POU4F1: variants seen among roughly 807,000 people sequenced by gnomAD.
The protein encoded by POU4F1 is POU domain, class 4, transcription factor 1.
Under a neutral mutation model 19.8 loss-of-function variants are expected in POU4F1, and 5 were observed. The observed-to-expected ratio is 0.25, with a 90% CI of 0.13 to 0.53. POU4F1 has a LOEUF of 0.53. POU4F1 is among the 20% of genes least tolerant of loss of function. POU4F1 has a pLI of 0.96. For missense variants in POU4F1, 408 were observed against 511.6 expected (o/e 0.80, Z 1.95); for synonymous variants, 266 against 247.7 (o/e 1.07, Z -0.69).
intron 1 of POU4F1, among the ~76,000 whole-genome samples, chr13:78,602,997 G>T (rs1198508309): frequency 6.6e-6 from 1 of 152,190 alleles, no homozygotes; most frequent in African/African-American, 2.4e-5. Flanking sequence ...TACTCCGATC[G>T]CAGGCGCCTG....
rs1427321060 is a variant in POU4F1, at chr13:78,602,386, G to C, written c.289C>G (p.Pro97Ala). The change falls in exon 2 of 2, where the codon CCT becomes GCT. Residue 97 changes from proline (P) to alanine (A), a missense_variant. Pro to Ala is a conservative substitution (Grantham distance 27). Coordinates refer to ENST00000377208, the MANE Select transcript of POU4F1 (RefSeq NM_006237.4). ...SVPCTSTSTV[P>A]LAHHHHHHHH... ...TGGTGGTGGTGGTGGTGCGCCAGAGGCACCGTGGAAGTGGACGTGCACGGC... is the reference window on the plus strand; with the variant it reads ...TGGTGGTGGTGGTGGTGCGCCAGAGCCACCGTGGAAGTGGACGTGCACGGC... 2 of 1,539,294 alleles carry C rather than the reference G, an allele frequency of 1.3e-6. No homozygotes were observed. Among genetic ancestry groups the C allele is most frequent in the Admixed American group, 2.0e-5 (1 of 49,926 alleles).
rs1362109089 is a variant in POU4F1 at position 78,598,977 on chromosome 13, T to C, written c.*2438A>G. ...ATTCATTTTATTTAGAGCACCACTT[T>C]TCATGAGTTATCTGAAAGTGAATTC... is the stretch of plus-strand genomic sequence containing the variant. On this transcript the variant is annotated 3_prime_UTR_variant, in exon 2 of 2. Coordinates refer to ENST00000377208, the MANE Select transcript of POU4F1 (RefSeq NM_006237.4). 2 of 152,238 alleles carry C rather than the reference T, an allele frequency of 1.3e-5. No homozygotes were observed. Among genetic ancestry groups the C allele is most frequent in the African/African-American group, 4.8e-5 (2 of 41,464 alleles). The allele number at this position is 152,238 out of a possible 1,614,324, so 9.4% of individuals were successfully genotyped here. A position where few individuals can be genotyped will look rare whatever the true frequency, so the allele number is the denominator to read the frequency against.
In POU4F1 at chr13:78,600,536, C is replaced by A. The variant is rs1450430717; in HGVS notation, c.*879G>T. 6.6e-6 allele frequency: 1 copy of A among 152,230 alleles called. No individual in the cohort carries two copies. The highest frequency in any genetic ancestry group is 2.4e-5 in the African/African-American group (1 of 41,416). 9.4% of individuals were successfully genotyped at this position (152,230 alleles called of 1,614,324 possible). ...AGACCCCCACCCCAACAGGACCAGGCCACCAGAGTATAGGCAGGGCCACGG... is the reference window on the plus strand; with the variant it reads ...AGACCCCCACCCCAACAGGACCAGGACACCAGAGTATAGGCAGGGCCACGG... On this transcript the variant is annotated 3_prime_UTR_variant, in exon 2 of 2. Transcript: ENST00000377208.
Position 78,601,280 on chromosome 13 carries a change from A to G in POU4F1, c.*135T>C. The G allele has an allele frequency of 7.2e-7, 1 of 1,395,938 alleles. No homozygotes were observed. Among genetic ancestry groups the G allele is most frequent in the Non-Finnish European group, 9.5e-7 (1 of 1,050,500 alleles). The allele number at this position is 1,395,938 out of a possible 1,614,324, so 86.5% of individuals were successfully genotyped here. ...AAATCAGAGAATGGGTGGAGGAAAG[A>G]GAGCGAGAAGGGACTCCCCAAATGC... On this transcript the variant is annotated 3_prime_UTR_variant, in exon 2 of 2. Coordinates refer to ENST00000377208, the MANE Select transcript of POU4F1 (RefSeq NM_006237.4).
Position 78,603,216 on chromosome 13 carries a change from C to T in POU4F1, c.111G>A (p.Leu37=). 6.5e-7 allele frequency: 1 copy of T among 1,547,374 alleles called. No individual in the cohort carries two copies. The highest frequency in any genetic ancestry group is 8.7e-7 in the Non-Finnish European group (1 of 1,148,192). ...GTGGGGCGCTTACCGGCGGCGTGGGCAGGCAGGCCCGCCGGATGGCCTCGG... is the reference window on the plus strand; with the variant it reads ...GTGGGGCGCTTACCGGCGGCGTGGGTAGGCAGGCCCGCCGGATGGCCTCGG... ...SSSEAIRRAC[L]PTPPLQSNLF... The change falls in exon 1 of 2, where the codon CTG becomes CTA. Residue 37 remains leucine (L), a synonymous_variant. Transcript: ENST00000377208.
rs942389484 is a variant in POU4F1 at position 78,600,279 on chromosome 13, A to G, written c.*1136T>C. 1 of 152,176 alleles carries G rather than the reference A, an allele frequency of 6.6e-6. No homozygotes were observed. Among genetic ancestry groups the G allele is most frequent in the African/African-American group, 2.4e-5 (1 of 41,426 alleles). The allele number at this position is 152,176 out of a possible 1,614,324, so 9.4% of individuals were successfully genotyped here. On this transcript the variant is annotated 3_prime_UTR_variant, in exon 2 of 2. Coordinates refer to ENST00000377208, the MANE Select transcript of POU4F1 (RefSeq NM_006237.4). Reference sequence around the variant, plus strand: ...TTCACCCCATTAGTCTATTTGAATCAACAGGAAAAATCAGTAGTTTAAACC... The same window carrying G: ...TTCACCCCATTAGTCTATTTGAATCGACAGGAAAAATCAGTAGTTTAAACC...
chr13:78,601,034 GT>G lies in POU4F1; in HGVS notation c.*380del, dbSNP rs1393281561. On this transcript the variant is annotated 3_prime_UTR_variant, in exon 2 of 2. Transcript: ENST00000377208. ...CTTGGTCCCCAGGATATTTAGGTAA[GT>G]GTCTCTGGTCAGAAACAGTCCATTT... 1 of 227,028 alleles carries G rather than the reference GT, an allele frequency of 4.4e-6. No individual in the cohort carries two copies. Among genetic ancestry groups the G allele is most frequent in the Admixed American group, 5.1e-5 (1 of 19,530 alleles). The allele number at this position is 227,028 out of a possible 1,614,324, so 14.1% of individuals were successfully genotyped here. A position where few individuals can be genotyped will look rare whatever the true frequency, so the allele number is the denominator to read the frequency against.
Position 78,603,191 on chromosome 13 carries a change from G to T in POU4F1, c.123+13C>A. Reference sequence around the variant, plus strand: ...GGGCGCGCGGGCCGGGGCCGCGGGCGTGGGGCGCTTACCGGCGGCGTGGGC... The same window carrying T: ...GGGCGCGCGGGCCGGGGCCGCGGGCTTGGGGCGCTTACCGGCGGCGTGGGC... On this transcript the variant is annotated intron_variant, in intron 1 of 1. Coordinates refer to ENST00000377208, the MANE Select transcript of POU4F1 (RefSeq NM_006237.4). The T allele has an allele frequency of 5.3e-6, 8 of 1,495,900 alleles. No individual in the cohort carries two copies. Among genetic ancestry groups the T allele is most frequent in the Non-Finnish European group, 7.1e-6 (8 of 1,121,300 alleles). The allele number at this position is 1,495,900 out of a possible 1,614,324, so 92.7% of individuals were successfully genotyped here.
At position 78,602,353 on chromosome 13, in the gene POU4F1, G is replaced by A; in HGVS notation, c.322C>T (p.His108Tyr). ...LAHHHHHHHH[H>Y]QALEPGDLLD... is the part of the protein sequence containing the mutation. ...AGATCGCCGGGTTCGAGCGCCTGGT[G>A]GTGGTGGTGGTGGTGGTGGTGGTGC... Residue 108 changes from histidine (H) to tyrosine (Y), a missense_variant, in exon 2 of 2, where the codon CAC (histidine) becomes TAC (tyrosine). By Grantham distance (83) the His-to-Tyr change is moderately conservative (BLOSUM62 2). Coordinates refer to ENST00000377208, the MANE Select transcript of POU4F1 (RefSeq NM_006237.4). 6.9e-7 allele frequency: 1 copy of A among 1,455,032 alleles called. No homozygotes were observed. The highest frequency in any genetic ancestry group is 1.3e-5 in the South Asian group (1 of 74,150). The allele number at this position is 1,455,032 out of a possible 1,614,324, so 90.1% of individuals were successfully genotyped here.
At position 78,603,373 on chromosome 13, in the gene POU4F1, G is replaced by A. The variant is rs773483314; in HGVS notation, c.-47C>T. The A allele has an allele frequency of 2.6e-6, 4 of 1,543,640 alleles. No individual in the cohort carries two copies. The highest frequency in any genetic ancestry group is 1.9e-5 in the Admixed American group (1 of 51,638). ...TCCACAAACACTCCGAAAGTCCGCG[G>A]GAAAGTGCGTACGCCGGCTCACCCG... On this transcript the variant is annotated 5_prime_UTR_variant, in exon 1 of 2. Coordinates refer to ENST00000377208, the MANE Select transcript of POU4F1 (RefSeq NM_006237.4).
rs577324552 is a variant in POU4F1 at position 78,598,542 on chromosome 13, A to G, written c.*2873T>C. On this transcript the variant is annotated 3_prime_UTR_variant, in exon 2 of 2. Coordinates refer to ENST00000377208, the MANE Select transcript of POU4F1 (RefSeq NM_006237.4). ...AATGTACTATTCTTTTTGAACATCAAGTGTTTTCCTTCACAGATTTGCCGG... is the reference window on the plus strand; with the variant it reads ...AATGTACTATTCTTTTTGAACATCAGGTGTTTTCCTTCACAGATTTGCCGG... The G allele has an allele frequency of 6.6e-6, 1 of 152,108 alleles. No homozygotes were observed. The highest frequency in any genetic ancestry group is 1.5e-5 in the Non-Finnish European group (1 of 68,004). The allele number at this position is 152,108 out of a possible 1,614,324, so 9.4% of individuals were successfully genotyped here.
rs1566267712 is a variant in POU4F1, at chr13:78,602,218, G to GGCC, written c.454_456dup (p.Gly152dup). ...CCGCCCGGGCCGCCGCCGCCGCCCG[G>GGCC]GCCGCCACCGCCCCCCGGGCCGTCG... On this transcript the variant is annotated inframe_insertion, in exon 2 of 2. Transcript: ENST00000377208. 88 of 863,054 alleles carry GGCC rather than the reference G, an allele frequency of 1.0e-4. No homozygotes were observed. The highest frequency in any genetic ancestry group is 1.1e-4 in the Non-Finnish European group (83 of 724,000). 53.5% of individuals were successfully genotyped at this position (863,054 alleles called of 1,614,324 possible).
In POU4F1 at chr13:78,599,153, C is replaced by G. The variant is rs576562944; in HGVS notation, c.*2262G>C. The G allele has an allele frequency of 2.0e-5, 3 of 152,454 alleles. No individual in the cohort carries two copies. The highest frequency in any genetic ancestry group is 2.1e-4 in the South Asian group (1 of 4,808). 9.4% of individuals were successfully genotyped at this position (152,454 alleles called of 1,614,324 possible). On this transcript the variant is annotated 3_prime_UTR_variant, in exon 2 of 2. Coordinates refer to ENST00000377208, the MANE Select transcript of POU4F1 (RefSeq NM_006237.4). ...ACCTGGCCCAGTATAAACACAAAAA[C>G]GCACCCAAATCATAAAACTGCTCTT...
rs774033642 is a variant in POU4F1 at position 78,602,410 on chromosome 13, G to A, written c.265C>T (p.Pro89Ser). 1.3e-6 allele frequency: 2 copies of A among 1,572,926 alleles called. No homozygotes were observed. The highest frequency in any genetic ancestry group is 2.4e-5 in the East Asian group (1 of 42,466). ...DATYHTMNSV[P>S]CTSTSTVPLA... ...GGCACCGTGGAAGTGGACGTGCACGGCACGCTGTTCATCGTGTGGTACGTG... is the reference window on the plus strand; with the variant it reads ...GGCACCGTGGAAGTGGACGTGCACGACACGCTGTTCATCGTGTGGTACGTG... The change falls in exon 2 of 2, where the codon CCG becomes TCG. Residue 89 changes from proline to serine, a missense_variant. Physicochemically the swap from Pro to Ser is moderately conservative, Grantham distance 74. Coordinates refer to ENST00000377208, the MANE Select transcript of POU4F1 (RefSeq NM_006237.4).
Position 78,602,348 on chromosome 13 carries a change from CTGGTGG to C in POU4F1, c.321_326del (p.His107_His108del), listed in dbSNP as rs748551009. 86 of 1,455,886 alleles carry C rather than the reference CTGGTGG, an allele frequency of 5.9e-5. No homozygotes were observed. The highest frequency in any genetic ancestry group is 1.1e-4 in the South Asian group (8 of 74,704). The allele number at this position is 1,455,886 out of a possible 1,614,324, so 90.2% of individuals were successfully genotyped here. A position where few individuals can be genotyped will look rare whatever the true frequency, so the allele number is the denominator to read the frequency against. On this transcript the variant is annotated inframe_deletion, in exon 2 of 2. Transcript: ENST00000377208. ...CCAGCAGATCGCCGGGTTCGAGCGC[CTGGTGG>C]TGGTGGTGGTGGTGGTGGTGGTGCG... is the stretch of plus-strand genomic sequence containing the variant.
chr13:78,603,100 G>A (rs1049888834), intron 1 of POU4F1, 104 bp downstream of exon 1: 2 of 963,458 alleles, frequency 2.1e-6, no homozygotes, highest in Non-Finnish European at 2.8e-6. Flanking sequence ...CCTGCCCGCA[G>A]TTCCCCGCAC....
rs1347441062 is a variant in POU4F1, at chr13:78,602,477, G to T, written c.198C>A (p.Ile66=). 1 of 1,597,724 alleles carries T rather than the reference G, an allele frequency of 6.3e-7. No homozygotes were observed. Among genetic ancestry groups the T allele is most frequent in the Admixed American group, 1.7e-5 (1 of 58,054 alleles). The change falls in exon 2 of 2, where the codon ATC becomes ATA. Residue 66 remains isoleucine (I), a synonymous_variant. Coordinates refer to ENST00000377208, the MANE Select transcript of POU4F1 (RefSeq NM_006237.4). ...GATGGCTCTTGCCCTGGGACACGGC[G>T]ATGTCCACGGCCGCCAGCGCCTCGG... is the stretch of plus-strand genomic sequence containing the variant. ...ARAEALAAVD[I]AVSQGKSHPF... is the part of the protein sequence containing the mutation.
At position 78,601,925 on chromosome 13, in the gene POU4F1, C is replaced by T; in HGVS notation, c.750G>A (p.Val250=). Residue 250 remains valine (V), a synonymous_variant, in exon 2 of 2, where the codon GTG becomes GTA. Transcript: ENST00000377208. ...VAAASAAAAV[V]GAAGLASICD... Reference sequence around the variant, plus strand: ...AGATGGACGCCAGGCCCGCTGCGCCCACCACGGCCGCCGCCGCCGATGCCG... The same window carrying T: ...AGATGGACGCCAGGCCCGCTGCGCCTACCACGGCCGCCGCCGCCGATGCCG... The T allele has an allele frequency of 7.7e-7, 1 of 1,295,836 alleles. No homozygotes were observed. Among genetic ancestry groups the T allele is most frequent in the Admixed American group, 3.7e-5 (1 of 27,240 alleles). 80.3% of individuals were successfully genotyped at this position (1,295,836 alleles called of 1,614,324 possible).
In POU4F1 at chr13:78,600,544, G is replaced by C. The variant is rs1432645582; in HGVS notation, c.*871C>G. 1 of 152,312 alleles carries C rather than the reference G, an allele frequency of 6.6e-6. No individual in the cohort carries two copies. The highest frequency in any genetic ancestry group is 1.9e-4 in the East Asian group (1 of 5,200). 9.4% of individuals were successfully genotyped at this position (152,312 alleles called of 1,614,324 possible). ...ACCCCAACAGGACCAGGCCACCAGA[G>C]TATAGGCAGGGCCACGGGAAAACTT... On this transcript the variant is annotated 3_prime_UTR_variant, in exon 2 of 2. Transcript: ENST00000377208.
Sources: allele counts gnomAD v4.1 joint callset (sites outside exome capture counted in the v4.1 genomes callset), GRCh38; gene constraint gnomAD v4.1.1; transcripts MANE v1.5; gene names NCBI Gene and HGNC (gene_info 2026-07-23, HGNC 2026-07-21).